Variants in ANO3 observed in about 807,000 individuals in gnomAD.
ANO3 encodes the protein anoctamin-3.
ANO3 carries 99 observed loss-of-function variants against 144.8 expected under a neutral mutation model. That is an observed-to-expected ratio of 0.68 (90% CI 0.58 to 0.81). ANO3 has a LOEUF of 0.81. Among genes scored for constraint, ANO3 ranks in the 30% least tolerant of loss-of-function variants. The pLI is 0.00. For synonymous variants in ANO3, 414 were observed against 392.6 expected (o/e 1.05, Z -0.64); for missense variants, 905 against 1,202.2 (o/e 0.75, Z 3.66).
intron 2 of ANO3, among the ~76,000 whole-genome samples, chr11:26,442,393 C>A (rs1187609565): frequency 6.6e-6 from 1 of 152,220 alleles, no homozygotes; most frequent in Non-Finnish European, 1.5e-5. Flanking sequence ...CTGTTTGCAT[C>A]CCTCTTGTTG....
chr11:26,334,997 C>A (rs2133892400), intron 1 of ANO3, among the ~76,000 whole-genome samples: 1 of 152,184 alleles, frequency 6.6e-6, no homozygotes, highest in Non-Finnish European at 1.5e-5. Context: ...ATGTATTAAC[C>A]AATCCCCGAT....
At chr11:26,413,188 T>G (rs1358496686) in intron 1 of ANO3, among the ~76,000 whole-genome samples, 3 of 151,970 alleles carry the variant, frequency 2.0e-5, no homozygotes, top group Admixed American at 2.0e-4. Context: ...ATGGTGATCA[T>G]AAAAGCAGGC....
chr11:26,265,349 A>G (rs777102551), intron 1 of ANO3, among the ~76,000 whole-genome samples: 7 of 152,148 alleles, frequency 4.6e-5, no homozygotes, highest in Non-Finnish European at 8.8e-5. Flanking sequence ...TTCTTCCATT[A>G]ACCTCAGAGC....
chr11:26,418,242 T>TA (rs2133994281), intron 1 of ANO3, among the ~76,000 whole-genome samples: 1 of 152,232 alleles, frequency 6.6e-6, no homozygotes, highest in Admixed American at 6.5e-5. Context: ...CAGTACTGCT[T>TA]AGACTAGTCA....
intron 10 of ANO3, among the ~76,000 whole-genome samples, chr11:26,539,619 C>T (rs959325110): frequency 3.9e-5 from 6 of 152,136 alleles, no homozygotes; most frequent in African/African-American, 1.2e-4. Flanking sequence ...CCACATGTCT[C>T]TCATGGCAAC....
intron 1 of ANO3, among the ~76,000 whole-genome samples, chr11:26,302,652 T>C (rs1228340745): frequency 1.3e-5 from 2 of 152,180 alleles, no homozygotes; most frequent in African/African-American, 2.4e-5. Context: ...TACAAATGCA[T>C]AAATACTGGG....
chr11:26,565,249 AAGGGG>A, intron 14 of ANO3: 1 of 1,554,850 alleles, frequency 6.4e-7, no homozygotes, highest in Admixed American at 2.0e-5. Context: ...TTTTCTTGAT[AAGGGG>A]TAAACCCAGT....
At chr11:26,236,952 T>C (rs1852545198) in intron 1 of ANO3, among the ~76,000 whole-genome samples, 1 of 151,992 alleles carries the variant, frequency 6.6e-6, no homozygotes, top group South Asian at 2.1e-4. Flanking sequence ...GGAAAATATA[T>C]ATTTGCGTTC....
rs555993322 is a variant in ANO3, at chr11:26,209,032, C to T, written c.154+19702C>T. ...AAATTATACTTAAAGTTCTGGGTTA[C>T]ATGTGCAGAATGTGTAGGTTTGTTA... is the stretch of plus-strand genomic sequence containing the variant. On this transcript the variant is annotated intron_variant, in intron 1 of 27. Transcript: ENST00000672621. Among the ~76,000 whole-genome samples the T allele has an allele frequency of 5.3e-5, 8 of 152,016 alleles. 1 individual carries two copies. The highest frequency in any genetic ancestry group is 5.2e-4 in the Admixed American group (8 of 15,258).
At chr11:26,623,702 G>A (rs1333744810) in intron 17 of ANO3, among the ~76,000 whole-genome samples, 2 of 151,694 alleles carry the variant, frequency 1.3e-5, no homozygotes, top group African/African-American at 2.4e-5. Flanking sequence ...TATCAGTAGG[G>A]CAGAATTCAA....
intron 1 of ANO3, among the ~76,000 whole-genome samples, chr11:26,191,130 G>T (rs933929900): frequency 2.6e-5 from 4 of 152,146 alleles, no homozygotes; most frequent in East Asian, 1.9e-4. Flanking sequence ...TACAAAATTA[G>T]CCAGGCGTGG....
intron 1 of ANO3, among the ~76,000 whole-genome samples, chr11:26,295,355 A>G (rs1406402540): frequency 6.6e-6 from 1 of 151,664 alleles, no homozygotes; most frequent in African/African-American, 2.4e-5. Flanking sequence ...CGTCTCTACT[A>G]AAAATAAAAA....
intron 1 of ANO3, among the ~76,000 whole-genome samples, chr11:26,348,809 T>TG (rs1263756410): frequency 6.6e-6 from 1 of 152,172 alleles, no homozygotes; most frequent in Non-Finnish European, 1.5e-5. Context: ...ATTCTTATGG[T>TG]GAAACTGTTG....
At chr11:26,462,770 C>T (rs956460698) in intron 3 of ANO3, among the ~76,000 whole-genome samples, 5 of 151,778 alleles carry the variant, frequency 3.3e-5, no homozygotes, top group African/African-American at 9.7e-5. Flanking sequence ...CATTGAATAG[C>T]ATAGATGAAT....
At chr11:26,217,603 T>G (rs1028476975) in intron 1 of ANO3, among the ~76,000 whole-genome samples, 11 of 152,024 alleles carry the variant, frequency 7.2e-5, no homozygotes, top group African/African-American at 2.7e-4. Context: ...ATAATAATAA[T>G]GCATATACAT....
intron 1 of ANO3, among the ~76,000 whole-genome samples, chr11:26,354,716 T>G (rs533679798): frequency 2.6e-5 from 4 of 152,160 alleles, no homozygotes; most frequent in Non-Finnish European, 4.4e-5. Context: ...ATTTAACTTT[T>G]CATATTACCT....
Position 26,211,560 on chromosome 11 carries a change from A to G in ANO3, c.154+22230A>G, listed in dbSNP as rs115710256. ...GGCAATCATTAAAACATCAGAAAAC[A>G]ACAGATGCTGGAGCGGATGTGGAGA... On this transcript the variant is annotated intron_variant, in intron 1 of 27. Transcript: ENST00000672621. 2.9e-3 allele frequency among the ~76,000 whole-genome samples: 439 copies of G among 152,292 alleles called. 3 individuals are homozygous for G. Among genetic ancestry groups the G allele is most frequent in the African/African-American group, 0.01 (419 of 41,556 alleles).
At chr11:26,598,729 A>G (rs1851709969) in intron 15 of ANO3, 129 bp from the exon 16 acceptor site, 1 of 858,066 alleles carries the variant, frequency 1.2e-6, no homozygotes, top group South Asian at 1.9e-5. Context: ...TGTTATTTTT[A>G]AAAGGTTGCT....
At chr11:26,217,582 T>C (rs1852059395) in intron 1 of ANO3, among the ~76,000 whole-genome samples, 1 of 152,062 alleles carries the variant, frequency 6.6e-6, no homozygotes, top group Admixed American at 6.6e-5. Context: ...ATTTTTGCTA[T>C]CTACATGAGG....
Sources: allele counts gnomAD v4.1 joint callset (sites outside exome capture counted in the v4.1 genomes callset), GRCh38; gene constraint gnomAD v4.1.1; transcripts MANE v1.5; gene names NCBI Gene and HGNC (gene_info 2026-07-23, HGNC 2026-07-21).